Variants in ADAMTS18 observed in about 807,000 individuals in gnomAD.
ADAMTS18 encodes ADAM metallopeptidase with thrombospondin type 1 motif 18.
ADAMTS18 carries 157 observed loss-of-function variants against 165.9 expected under a neutral mutation model. The ratio of observed to expected loss-of-function variants is 0.95; its 90% confidence interval spans 0.83 to 1.08. ADAMTS18 has a LOEUF of 1.08. Among genes scored for constraint, ADAMTS18 ranks in the 50% least tolerant of loss-of-function variants. The pLI is 0.00. For missense variants in ADAMTS18, 2,040 were observed against 1,534.0 expected, an observed-to-expected ratio of 1.33 and a Z score of -5.51; for synonymous variants, 782 against 578.2, an observed-to-expected ratio of 1.35 and a Z score of -5.06.
intron 12 of ADAMTS18, among the ~76,000 whole-genome samples, chr16:77,327,220 G>C (rs1318131737): frequency 6.6e-6 from 1 of 151,996 alleles, no homozygotes; most frequent in Non-Finnish European, 1.5e-5. Context: ...ATTTCAATAG[G>C]TTGTTTGGTT....
At chr16:77,399,448 G>A (rs550944788) in intron 3 of ADAMTS18, among the ~76,000 whole-genome samples, 1 of 152,254 alleles carries the variant, frequency 6.6e-6, no homozygotes, top group East Asian at 1.9e-4. Context: ...AAGCCTCAGA[G>A]AAGCTAGAGG....
Position 77,317,267 on chromosome 16 carries a change from A to G in ADAMTS18, c.2532+2582T>C, listed in dbSNP as rs549405812. On this transcript the variant is annotated intron_variant, in intron 16 of 22. Coordinates refer to ENST00000282849, the MANE Select transcript of ADAMTS18 (RefSeq NM_199355.4). ...TTCTTTTCTGTTTATCCACTACTCT[A>G]TACCCAGTTTACTGTCAATGTGAAA... 4.7e-4 allele frequency among the ~76,000 whole-genome samples: 71 copies of G among 152,302 alleles called. No homozygotes were observed. In the South Asian group the frequency reaches 0.014, roughly 30 times the overall value.
intron 4 of ADAMTS18, among the ~76,000 whole-genome samples, chr16:77,365,713 G>T (rs1288294023): frequency 1.3e-5 from 2 of 152,178 alleles, no homozygotes; most frequent in African/African-American, 4.8e-5. Flanking sequence ...GAAAGCTCAG[G>T]GAAGTAACTG....
chr16:77,402,093 C>T (rs959145042), intron 3 of ADAMTS18, among the ~76,000 whole-genome samples: 1 of 152,272 alleles, frequency 6.6e-6, no homozygotes, highest in Admixed American at 6.5e-5. Flanking sequence ...ATAATAAGTT[C>T]CCTAGCTACC....
chr16:77,410,994 T>G (rs904977481), intron 3 of ADAMTS18, among the ~76,000 whole-genome samples: 1 of 152,214 alleles, frequency 6.6e-6, no homozygotes, highest in African/African-American at 2.4e-5. Flanking sequence ...TCTTTTCCAT[T>G]GGCTCACTTA....
intron 16 of ADAMTS18, among the ~76,000 whole-genome samples, chr16:77,314,273 A>G (rs1260519127): frequency 3.3e-5 from 5 of 152,096 alleles, no homozygotes; most frequent in Non-Finnish European, 5.9e-5. Context: ...ATTCATATGT[A>G]TAAGTCACCT....
chr16:77,408,445 C>A (rs1264288847), intron 3 of ADAMTS18, among the ~76,000 whole-genome samples: 1 of 152,008 alleles, frequency 6.6e-6, no homozygotes, highest in Non-Finnish European at 1.5e-5. Context: ...AAACCAGAAA[C>A]AACCCAAATG....
intron 12 of ADAMTS18, among the ~76,000 whole-genome samples, chr16:77,334,851 A>C (rs149737387): frequency 0.037 from 4,561 of 124,380 alleles, 107 homozygotes; most frequent in African/African-American, 0.059. Flanking sequence ...AGTATATATA[A>C]TATACTATAA....
At chr16:77,384,061 TGGG>T (rs2057071849) in intron 3 of ADAMTS18, among the ~76,000 whole-genome samples, 1 of 119,224 alleles carries the variant, frequency 8.4e-6, no homozygotes, top group Non-Finnish European at 2.1e-5. Context: ...CCTTAAAGGC[TGGG>T]ACTTTGTGCC....
At chr16:77,358,192 T>C (rs985413024) in intron 8 of ADAMTS18, among the ~76,000 whole-genome samples, 119 of 152,298 alleles carry the variant, frequency 7.8e-4, no homozygotes, top group African/African-American at 2.7e-3. Flanking sequence ...TGTGTGTGTG[T>C]GTATAATAAT....
intron 3 of ADAMTS18, among the ~76,000 whole-genome samples, chr16:77,425,574 T>C (rs1052648087): frequency 2.0e-5 from 3 of 152,216 alleles, no homozygotes; most frequent in African/African-American, 7.2e-5. Context: ...TCAATCAATC[T>C]TCACATGAAG....
chr16:77,368,423 ATTTTTCTT>A (rs1245079893), intron 3 of ADAMTS18, among the ~76,000 whole-genome samples: 3 of 140,314 alleles, frequency 2.1e-5, no homozygotes, highest in Non-Finnish European at 3.1e-5. Context: ...TTCACACTTG[ATTTTTCTT>A]TTTTTCTTTT....
intron 16 of ADAMTS18, among the ~76,000 whole-genome samples, chr16:77,310,723 G>C (rs530058100): frequency 6.6e-6 from 1 of 152,132 alleles, no homozygotes; most frequent in South Asian, 2.1e-4. Context: ...AGCCTCCTGG[G>C]TTCAAGGGAT....
intron 21 of ADAMTS18, chr16:77,290,746 T>C (rs1013574301): frequency 1.8e-5 from 3 of 166,238 alleles, no homozygotes; most frequent in African/African-American, 7.2e-5. Flanking sequence ...TAGCATCTGA[T>C]AAGTTTAAAA....
Position 77,376,478 on chromosome 16 carries a change from C to T in ADAMTS18, c.496-8755G>A, listed in dbSNP as rs139621170. 5.9e-3 allele frequency among the ~76,000 whole-genome samples: 905 copies of T among 152,234 alleles called. 10 individuals are homozygous for T. Among genetic ancestry groups the T allele is most frequent in the African/African-American group, 0.021 (867 of 41,542 alleles). On this transcript the variant is annotated intron_variant, in intron 3 of 22. Coordinates refer to ENST00000282849, the MANE Select transcript of ADAMTS18 (RefSeq NM_199355.4). ...GGTTGATGGTGGTGGAAGAGCTGCCCCAACTCTCCACCCAGGGAACCAACC... is the reference window on the plus strand; with the variant it reads ...GGTTGATGGTGGTGGAAGAGCTGCCTCAACTCTCCACCCAGGGAACCAACC...
intron 3 of ADAMTS18, among the ~76,000 whole-genome samples, chr16:77,419,778 A>G (rs1269915462): frequency 6.6e-6 from 1 of 151,938 alleles, no homozygotes; most frequent in East Asian, 1.9e-4. Flanking sequence ...AGGCAGGTGA[A>G]TCATGAGGTC....
At chr16:77,326,257 G>T (rs1457854117) in intron 12 of ADAMTS18, among the ~76,000 whole-genome samples, 1 of 152,074 alleles carries the variant, frequency 6.6e-6, no homozygotes, top group Non-Finnish European at 1.5e-5. Context: ...TTTTTTTCTA[G>T]TTCTTTTCAT....
intron 7 of ADAMTS18, among the ~76,000 whole-genome samples, chr16:77,360,497 G>C (rs1381359088): frequency 1.3e-5 from 2 of 149,696 alleles, no homozygotes; most frequent in Non-Finnish European, 2.9e-5. Flanking sequence ...AGAATTTCTG[G>C]TGTTTTGTTT....
chr16:77,355,076 G>A (rs190783189), intron 9 of ADAMTS18, among the ~76,000 whole-genome samples: 1 of 152,142 alleles, frequency 6.6e-6, no homozygotes, highest in Non-Finnish European at 1.5e-5. Flanking sequence ...ATACACAGTG[G>A]TACAGGTTAA....
Sources: allele counts gnomAD v4.1 joint callset (sites outside exome capture counted in the v4.1 genomes callset), GRCh38; gene constraint gnomAD v4.1.1; transcripts MANE v1.5; gene names NCBI Gene and HGNC (gene_info 2026-07-23, HGNC 2026-07-21).